SLC51B: variants seen among roughly 807,000 people sequenced by gnomAD.
SLC51B encodes organic solute transporter subunit beta.
A neutral mutation model predicts 8.0 loss-of-function variants in SLC51B; 6 were observed. The observed-to-expected ratio is 0.75, with a 90% CI of 0.41 to 1.48. The LOEUF is 1.48. SLC51B is among the 40% of genes most tolerant of loss of function. SLC51B has a pLI of 0.01. For missense variants in SLC51B, 150 were observed against 149.7 expected (o/e 1.00, Z -0.01); for synonymous variants, 61 against 54.8 (o/e 1.11, Z -0.50).
intron 1 of SLC51B, among the ~76,000 whole-genome samples, chr15:65,047,636 C>T (rs535783355): frequency 6.6e-6 from 1 of 152,288 alleles, no homozygotes; most frequent in African/African-American, 2.4e-5. Flanking sequence ...ACATCTGAGA[C>T]TGGATGGAAT....
At chr15:65,045,894 A>C (rs2086570651) in intron 1 of SLC51B, among the ~76,000 whole-genome samples, 3 of 152,230 alleles carry the variant, frequency 2.0e-5, no homozygotes, top group Admixed American at 6.5e-5. Context: ...GGCCGGGCGC[A>C]GTGGCTCACG....
Position 65,053,193 on chromosome 15 carries a change from C to A in SLC51B, c.*29C>A. 1.2e-6 allele frequency: 2 copies of A among 1,611,542 alleles called. No homozygotes were observed. The highest frequency in any genetic ancestry group is 1.7e-6 in the Non-Finnish European group (2 of 1,179,416). ...GGGTTCAGAGAAGCCCCATCCTAAGCCAGACACATGATGTGGGCTCAGCTC... is the reference window on the plus strand; with the variant it reads ...GGGTTCAGAGAAGCCCCATCCTAAGACAGACACATGATGTGGGCTCAGCTC... On this transcript the variant is annotated 3_prime_UTR_variant, in exon 4 of 4. Coordinates refer to ENST00000334287, the MANE Select transcript of SLC51B (RefSeq NM_178859.4).
At chr15:65,049,322 T>C (rs1355492321) in intron 1 of SLC51B, 1 of 149,384 alleles carries the variant, frequency 6.7e-6, no homozygotes, top group Non-Finnish European at 1.5e-5. Context: ...TTCTGCTAAC[T>C]TGTCCAAAAA....
chr15:65,052,668 A>C (rs910767837), intron 3 of SLC51B, among the ~76,000 whole-genome samples: 1 of 152,084 alleles, frequency 6.6e-6, no homozygotes, highest in African/African-American at 2.4e-5. Flanking sequence ...AAGTGCTGGG[A>C]TTACAGGTGT....
At chr15:65,050,836 C>CCTTTT (rs2086642864) in intron 2 of SLC51B, among the ~76,000 whole-genome samples, 6 of 95,648 alleles carry the variant, frequency 6.3e-5, no homozygotes, top group South Asian at 4.2e-4. Flanking sequence ...TCTTCTTCTT[C>CCTTTT]TTTTTTTTTT....
rs1330780454 is a variant in SLC51B, at chr15:65,050,425, C to T, written c.97+324C>T. ...TCTCTGCCTTCATGGAATGTACATT[C>T]TAGTGGGGATTAAAAATAAACAACT... is the stretch of plus-strand genomic sequence containing the variant. On this transcript the variant is annotated intron_variant, in intron 2 of 3. Coordinates refer to ENST00000334287, the MANE Select transcript of SLC51B (RefSeq NM_178859.4). Among the ~76,000 whole-genome samples the T allele has an allele frequency of 5.3e-5, 8 of 152,154 alleles. 1 individual carries two copies. The highest frequency in any genetic ancestry group is 3.3e-4 in the Admixed American group (5 of 15,270).
intron 1 of SLC51B, chr15:65,049,417 C>G (rs113301016): frequency 6.6e-6 from 1 of 152,136 alleles, no homozygotes; most frequent in African/African-American, 2.4e-5. Flanking sequence ...CCTTTCCCTC[C>G]GGCACTTTTC....
At chr15:65,045,964 G>A (rs1314636208) in intron 1 of SLC51B, among the ~76,000 whole-genome samples, 2 of 152,128 alleles carry the variant, frequency 1.3e-5, no homozygotes, top group East Asian at 3.9e-4. Flanking sequence ...TCAGGAGTTC[G>A]AGACCACCCC....
At position 65,051,376 on chromosome 15, in the gene SLC51B, G is replaced by A. The variant is rs905911683; in HGVS notation, c.98-139G>A. On this transcript the variant is annotated intron_variant, in intron 2 of 3. Coordinates refer to ENST00000334287, the MANE Select transcript of SLC51B (RefSeq NM_178859.4). ...TAGACTGGGAGTGCCCCAGGGCAAGGGGCCCATCTTTGATTAGGGTCTCCA... is the reference window on the plus strand; with the variant it reads ...TAGACTGGGAGTGCCCCAGGGCAAGAGGCCCATCTTTGATTAGGGTCTCCA... 30 of 731,702 alleles carry A rather than the reference G, an allele frequency of 4.1e-5. No homozygotes were observed. In the Admixed American group the frequency reaches 5.9e-4, roughly 14 times the overall value. 45.3% of individuals were successfully genotyped at this position (731,702 alleles called of 1,614,324 possible).
In SLC51B at chr15:65,051,567, A is replaced by G; in HGVS notation, c.150A>G (p.Ile50Met). ...CCCTGGCAGCTGTGGTGGTCATTAT[A>G]AGCATGGTCCTCCTGGGAAGAAGCA... is the stretch of plus-strand genomic sequence containing the variant. ...ILALAAVVVIISMVLLGRSIQ... is the reference protein window; with the variant it reads ...ILALAAVVVIMSMVLLGRSIQ... The change falls in exon 3 of 4, where the codon ATA (isoleucine) becomes ATG (methionine). Residue 50 changes from isoleucine to methionine, a missense_variant. Physicochemically the swap from Ile to Met is conservative, Grantham distance 10. Transcript: ENST00000334287. 1 of 1,613,430 alleles carries G rather than the reference A, an allele frequency of 6.2e-7. No homozygotes were observed. The highest frequency in any genetic ancestry group is 8.5e-7 in the Non-Finnish European group (1 of 1,179,736).
intron 1 of SLC51B, chr15:65,049,095 TTC>T (rs2086613528): frequency 6.6e-6 from 1 of 152,046 alleles, no homozygotes; most frequent in African/African-American, 2.4e-5. Flanking sequence ...TTTTACCTAT[TTC>T]TTTTTGTTTT....
chr15:65,046,231 G>A lies in SLC51B; in HGVS notation c.-109+649G>A, dbSNP rs2086575519. On this transcript the variant is annotated intron_variant, in intron 1 of 3. Coordinates refer to ENST00000334287, the MANE Select transcript of SLC51B (RefSeq NM_178859.4). ...CAGGAGGATCACTTGAACTCGGGAGGCGGAGGTTGCAGTGAGCTGAGATGG... is the reference window on the plus strand; with the variant it reads ...CAGGAGGATCACTTGAACTCGGGAGACGGAGGTTGCAGTGAGCTGAGATGG... Among the ~76,000 whole-genome samples, 3 of 152,248 alleles carry A rather than the reference G, an allele frequency of 2.0e-5. No homozygotes were observed. The South Asian group carries it at 6.2e-4, about 31-fold the overall frequency.
chr15:65,052,952 C>A lies in SLC51B; in HGVS notation c.189-14C>A. On this transcript the variant is annotated splice_polypyrimidine_tract_variant and intron_variant, in intron 3 of 3. Transcript: ENST00000334287. Reference sequence around the variant, plus strand: ...CTCAGCCCCCCTCATTAACACTGTTCCCTGTCCCCCCAGAAAAGAAAAGAT... The same window carrying A: ...CTCAGCCCCCCTCATTAACACTGTTACCTGTCCCCCCAGAAAAGAAAAGAT... 1 of 1,458,498 alleles carries A rather than the reference C, an allele frequency of 6.9e-7. No individual in the cohort carries two copies. Among genetic ancestry groups the A allele is most frequent in the Non-Finnish European group, 9.3e-7 (1 of 1,077,056 alleles). 90.3% of individuals were successfully genotyped at this position (1,458,498 alleles called of 1,614,324 possible).
At chr15:65,049,791 G>A (rs770352514) in intron 1 of SLC51B, 106 bp from the exon 2 acceptor site, 76 of 428,718 alleles carry the variant, frequency 1.8e-4, no homozygotes, top group Admixed American at 1.7e-4. Context: ...GTTCGTTCGG[G>A]TCGTTTTTGT....
At chr15:65,048,823 A>G (rs1436611397) in intron 1 of SLC51B, among the ~76,000 whole-genome samples, 1 of 152,162 alleles carries the variant, frequency 6.6e-6, no homozygotes, top group Non-Finnish European at 1.5e-5. Flanking sequence ...AGCCTGGCCA[A>G]CATGGTGAAA....
At chr15:65,050,827 C>CTTTTTTTTTTTTTTTTTTTT (rs2086640662) in intron 2 of SLC51B, among the ~76,000 whole-genome samples, 1 of 66,560 alleles carries the variant, frequency 1.5e-5, no homozygotes, top group African/African-American at 4.3e-5. Flanking sequence ...TTTCTTTCTT[C>CTTTTTTTTTTTTTTTTTTTT]TTCTTCTTCT....
intron 1 of SLC51B, among the ~76,000 whole-genome samples, chr15:65,048,601 C>T (rs2086606312): frequency 6.6e-6 from 1 of 152,224 alleles, no homozygotes; most frequent in Non-Finnish European, 1.5e-5. Context: ...TATAATTGAT[C>T]TGTTCAAAAC....
chr15:65,050,149 ACAGAG>A, intron 2 of SLC51B, 48 bp downstream of exon 2: 2 of 1,476,710 alleles, frequency 1.4e-6, no homozygotes, highest in Non-Finnish European at 1.8e-6. Flanking sequence ...GCCCCTCAAC[ACAGAG>A]CAGAGTTTGG....
chr15:65,049,076 C>G (rs1442645407), intron 1 of SLC51B: 1 of 149,982 alleles, frequency 6.7e-6, no homozygotes, highest in Admixed American at 6.7e-5. Context: ...TATATGTTGT[C>G]AAAATTAATT....
Sources: gnomAD v4.1 joint callset for allele counts (sites outside exome capture counted in the v4.1 genomes callset) on GRCh38, gnomAD v4.1.1 for gene constraint, MANE v1.5 for transcripts, NCBI Gene and HGNC (gene_info 2026-07-23, HGNC 2026-07-21) for gene names.